The following CPAMD8 variants were observed in gnomAD, a reference collection of about 807,000 sequenced individuals.
The protein encoded by CPAMD8 is C3 and PZP like alpha-2-macroglobulin domain containing 8, also known as C3 and PZP-like alpha-2-macroglobulin domain-containing protein 8.
In CPAMD8, 146 loss-of-function variants were observed where a neutral mutation model predicts 224.7. The observed-to-expected ratio is 0.65, with a 90% confidence interval of 0.57 to 0.75. The LOEUF (loss-of-function observed/expected upper bound fraction) is 0.75. CPAMD8 is among the 30% of genes least tolerant of loss of function. The pLI is 0.00. For synonymous variants in CPAMD8, 966 were observed against 1,044.6 expected (o/e 0.92, Z 1.45); for missense variants, 2,301 against 2,537.5 (o/e 0.91, Z 2.00).
At chr19:17,012,119 A>G (rs185408746) in intron 3 of CPAMD8, among the ~76,000 whole-genome samples, 1 of 152,024 alleles carries the variant, frequency 6.6e-6, no homozygotes, top group Non-Finnish European at 1.5e-5. Flanking sequence ...TCCCAGCTCA[A>G]ATGATTCTCC....
In CPAMD8 at chr19:16,962,889, A is replaced by G. The variant is rs540270462; in HGVS notation, c.2214-4974T>C. On this transcript the variant is annotated intron_variant, in intron 18 of 41. Coordinates refer to ENST00000443236, the MANE Select transcript of CPAMD8 (RefSeq NM_015692.5). ...CAGAAGAGAGTGGGGGCCAATATTC[A>G]ACATTCTTAAAGAAAAGAATTCTCA... Among the ~76,000 whole-genome samples, 146 of 152,338 alleles carry G rather than the reference A, an allele frequency of 9.6e-4. 2 individuals carry two copies. The highest frequency in any genetic ancestry group is 3.4e-3 in the African/African-American group (141 of 41,586).
rs773582531 is a variant in CPAMD8 at position 16,907,127 on chromosome 19, G to C, written c.3862-10C>G. 1.0e-5 allele frequency: 16 copies of C among 1,535,440 alleles called. No homozygotes were observed. Among genetic ancestry groups the C allele is most frequent in the Non-Finnish European group, 1.4e-5 (16 of 1,141,672 alleles). On this transcript the variant is annotated splice_polypyrimidine_tract_variant and intron_variant, in intron 29 of 41. Coordinates refer to ENST00000443236, the MANE Select transcript of CPAMD8 (RefSeq NM_015692.5). ...TGGAGCCTCTCTCCTCCTGCAGGGT[G>C]GGGTGGGAAGGTGAAACCTGGGAGG...
In CPAMD8 at chr19:16,980,571, G is replaced by T. The variant is rs61741485; in HGVS notation, c.1511C>A (p.Thr504Asn). Reference protein sequence around the residue: ...IVLSGQQPAHTTQQRSKRAAP... With the variant: ...IVLSGQQPAHNTQQRSKRAAP... The stretch of plus-strand genomic sequence containing the variant: ...CGCCCGCTTGCTTCGCTGCTGGGTG[G>T]TGTGGGCAGGCTGCTGGCCCGATAG... Residue 504 changes from threonine (T) to asparagine (N), a missense_variant, in exon 14 of 42, where the codon ACC becomes AAC. Transcript: ENST00000443236. 1.2e-6 allele frequency: 2 copies of T among 1,613,524 alleles called. No homozygotes were observed. Among genetic ancestry groups the T allele is most frequent in the African/African-American group, 2.7e-5 (2 of 74,878 alleles).
At chr19:16,895,198 T>C (rs977210203) in intron 41 of CPAMD8, 1 of 152,256 alleles carries the variant, frequency 6.6e-6, no homozygotes, top group African/African-American at 2.4e-5. Flanking sequence ...TCACCTGAGG[T>C]CAAGAGTTCA....
chr19:16,950,375 A>G (rs1171038525), intron 20 of CPAMD8, among the ~76,000 whole-genome samples: 2 of 152,142 alleles, frequency 1.3e-5, no homozygotes, highest in Non-Finnish European at 2.9e-5. Context: ...TACATGCCCC[A>G]CCAAAACTGA....
chr19:17,025,600 CAAATGCCTCTCCCTATTTGTGACAACCAA>C (rs908826591), intron 1 of CPAMD8, among the ~76,000 whole-genome samples: 1 of 152,152 alleles, frequency 6.6e-6, no homozygotes, highest in African/African-American at 2.4e-5. Flanking sequence ...ATGCCAACAC[CAAATGCCTCTCCCTATTTGTGACAACCAA>C]AAATACCTCC....
chr19:16,917,123 G>A (rs2052991953), intron 27 of CPAMD8, among the ~76,000 whole-genome samples: 2 of 152,170 alleles, frequency 1.3e-5, no homozygotes, highest in Admixed American at 1.3e-4. Context: ...CGGATTCAGT[G>A]GCCCATACTT....
chr19:17,002,157 T>G lies in CPAMD8; in HGVS notation c.758+109A>C, dbSNP rs2056346140. ...CCAGGAAGGGAGGGGCACACCCATG[T>G]GGGAGGGAGGGAGGCAGCAGAGGAG... On this transcript the variant is annotated intron_variant, in intron 9 of 41. Transcript: ENST00000443236. 10 of 703,928 alleles carry G rather than the reference T, an allele frequency of 1.4e-5. No individual in the cohort carries two copies. In the South Asian group the frequency reaches 1.8e-4, roughly 12 times the overall value. 43.6% of individuals were successfully genotyped at this position (703,928 alleles called of 1,614,324 possible).
intron 3 of CPAMD8, among the ~76,000 whole-genome samples, chr19:17,015,807 G>C (rs78589513): frequency 0.034 from 5,186 of 152,248 alleles, 313 homozygotes; most frequent in African/African-American, 0.12. Context: ...TATGCTGGAG[G>C]GACAGGGAGG....
intron 32 of CPAMD8, 50 bp downstream of exon 32, chr19:16,904,176 A>AGCGCC: frequency 4.3e-6 from 4 of 937,338 alleles, no homozygotes; most frequent in Non-Finnish European, 6.7e-6. Flanking sequence ...GACTGCAGGG[A>AGCGCC]CCCCACCCAC....
chr19:16,977,203 C>T (rs2055309097), intron 15 of CPAMD8, among the ~76,000 whole-genome samples, 165 bp downstream of exon 15: 1 of 151,992 alleles, frequency 6.6e-6, no homozygotes, highest in African/African-American at 2.4e-5. Context: ...TTTTGTGTGA[C>T]TTTTGGAGAT....
intron 19 of CPAMD8, among the ~76,000 whole-genome samples, chr19:16,956,760 C>T (rs2054485022): frequency 6.6e-6 from 1 of 151,976 alleles, no homozygotes; most frequent in Non-Finnish European, 1.5e-5. Context: ...CTCCGTCTCC[C>T]AGGTTCATGC....
At chr19:16,904,176 A>ACCCCCCCCCCCCCCCCCCCCCCCCC in intron 32 of CPAMD8, 50 bp downstream of exon 32, 1 of 937,336 alleles carries the variant, frequency 1.1e-6, no homozygotes, top group Middle Eastern at 3.2e-4. Flanking sequence ...GACTGCAGGG[A>ACCCCCCCCCCCCCCCCCCCCCCCCC]CCCCACCCAC....
rs1400772091 is a variant in CPAMD8 at position 16,906,390 on chromosome 19, CTT to C, written c.4027+560_4027+561del. On this transcript the variant is annotated intron_variant, in intron 30 of 41. Coordinates refer to ENST00000443236, the MANE Select transcript of CPAMD8 (RefSeq NM_015692.5). ...TCTTTCTTTCTTTCTTTCTTTCTTTCTTTCTTTCTTTCTTTCTTTCCTTCCTT... is the reference window on the plus strand; with the variant it reads ...TCTTTCTTTCTTTCTTTCTTTCTTTCTCTTTCTTTCTTTCTTTCCTTCCTT... 1.4e-3 allele frequency among the ~76,000 whole-genome samples: 112 copies of C among 78,592 alleles called. 1 individual carries two copies. Among genetic ancestry groups the C allele is most frequent in the African/African-American group, 3.8e-3 (98 of 26,072 alleles). The allele number at this position is 78,592 out of a possible 152,430, so 51.6% of individuals were successfully genotyped here.
At chr19:17,009,136 T>A (rs1344439180) in intron 6 of CPAMD8, 167 bp downstream of exon 6, 1 of 1,040,440 alleles carries the variant, frequency 9.6e-7, no homozygotes, top group Non-Finnish European at 1.4e-6. Flanking sequence ...ACACAGCCCA[T>A]CCCAGGGCGG....
intron 22 of CPAMD8, among the ~76,000 whole-genome samples, chr19:16,939,318 A>T (rs1599740412): frequency 6.6e-6 from 1 of 151,912 alleles, no homozygotes; most frequent in African/African-American, 2.4e-5. Context: ...AGCAAGTCTC[A>T]TGCCTCAGCC....
At chr19:16,945,980 T>C (rs2054062849) in intron 21 of CPAMD8, among the ~76,000 whole-genome samples, 1 of 152,212 alleles carries the variant, frequency 6.6e-6, no homozygotes, top group African/African-American at 2.4e-5. Flanking sequence ...CATTTGTGTG[T>C]GTACAAATAT....
intron 20 of CPAMD8, among the ~76,000 whole-genome samples, chr19:16,948,883 G>GAGGGAAAGGA (rs1568515607): frequency 3.5e-4 from 16 of 46,362 alleles, no homozygotes; most frequent in African/African-American, 1.7e-3. Flanking sequence ...GAAGGGAAGG[G>GAGGGAAAGGA]AAGGGAAGGG....
Position 16,902,825 on chromosome 19 carries a change from C to G in CPAMD8, c.4509G>C (p.Lys1503Asn). ...GGCTTACGAGCAGCTGGAAAGCTGG[C>G]TTGGCCACCGGGTCAGGCACATTGT... is the stretch of plus-strand genomic sequence containing the variant. Reference protein sequence around the residue: ...VTYNVPDPVAKPAFQLLVSLQ... With the variant: ...VTYNVPDPVANPAFQLLVSLQ... Residue 1503 changes from lysine (K) to asparagine (N), a missense_variant, in exon 35 of 42, where the codon AAG becomes AAC. Transcript: ENST00000443236. 1 of 1,560,622 alleles carries G rather than the reference C, an allele frequency of 6.4e-7. No homozygotes were observed. The highest frequency in any genetic ancestry group is 8.7e-7 in the Non-Finnish European group (1 of 1,150,110).
Sources: allele counts gnomAD v4.1 joint callset (sites outside exome capture counted in the v4.1 genomes callset), GRCh38; gene constraint gnomAD v4.1.1; transcripts MANE v1.5; gene names NCBI Gene and HGNC (gene_info 2026-07-23, HGNC 2026-07-21).